Variants in NRXN3 observed in about 807,000 individuals in gnomAD.
The protein encoded by NRXN3 is neurexin III.
Under a neutral mutation model 137.6 loss-of-function variants are expected in NRXN3, and 32 were observed. The observed-to-expected ratio is 0.23, with a 90% CI of 0.18 to 0.31. NRXN3 has a LOEUF of 0.31. Ranked by LOEUF, NRXN3 falls within the 10% of genes least tolerant of loss-of-function variation. NRXN3 has a pLI of 1.00. For missense variants in NRXN3, 1,574 were observed against 2,062.5 expected, an observed-to-expected ratio of 0.76 and a Z score of 4.59; for synonymous variants, 798 against 784.5, an observed-to-expected ratio of 1.02 and a Z score of -0.29.
chr14:78,698,358 C>A (rs2098247704), intron 6 of NRXN3: 1 of 152,004 alleles, frequency 6.6e-6, no homozygotes. Context: ...CTCAGATTAG[C>A]TTTTTCTACA....
intron 16 of NRXN3, among the ~76,000 whole-genome samples, chr14:79,601,874 G>C (rs912746145): frequency 4.6e-5 from 7 of 152,170 alleles, no homozygotes; most frequent in Non-Finnish European, 8.8e-5. Flanking sequence ...GAGTGCTAGA[G>C]ACTATGGCAC....
At chr14:78,651,028 A>T in intron 5 of NRXN3, 137 bp from the exon 6 acceptor site, 1 of 881,570 alleles carries the variant, frequency 1.1e-6, no homozygotes, top group Non-Finnish European at 1.7e-6. Context: ...GCACATACCA[A>T]AATCAAATCA....
intron 15 of NRXN3, among the ~76,000 whole-genome samples, chr14:79,271,853 A>G (rs566966384): frequency 3.0e-4 from 45 of 152,208 alleles, no homozygotes; most frequent in African/African-American, 1.1e-3. Flanking sequence ...GTGAACGTCA[A>G]TTTACAATGC....
chr14:79,199,855 G>A (rs1483440550), intron 15 of NRXN3: 2 of 152,198 alleles, frequency 1.3e-5, no homozygotes, highest in African/African-American at 4.8e-5. Flanking sequence ...GCAGATGACT[G>A]TGGAAAAATA....
chr14:79,006,972 G>A (rs2099554343), intron 15 of NRXN3, among the ~76,000 whole-genome samples: 1 of 152,140 alleles, frequency 6.6e-6, no homozygotes. Context: ...TGAAATGCTT[G>A]AGGTATTCAA....
intron 19 of NRXN3, among the ~76,000 whole-genome samples, chr14:79,751,224 G>C (rs1166430522): frequency 1.3e-5 from 2 of 152,024 alleles, no homozygotes; most frequent in South Asian, 2.1e-4. Context: ...TCTTCCATTT[G>C]TTTGTATCCT....
intron 15 of NRXN3, among the ~76,000 whole-genome samples, chr14:79,188,129 G>A (rs1166941540): frequency 6.6e-6 from 1 of 152,118 alleles, no homozygotes; most frequent in Non-Finnish European, 1.5e-5. Context: ...CATGCTTTGA[G>A]TCATTAAGAG....
chr14:78,850,182 G>A (rs1046555814), intron 10 of NRXN3, among the ~76,000 whole-genome samples: 1 of 152,100 alleles, frequency 6.6e-6, no homozygotes, highest in South Asian at 2.1e-4. Flanking sequence ...GAAAGAGAAA[G>A]AGAAAGAGAG....
intron 15 of NRXN3, among the ~76,000 whole-genome samples, chr14:79,365,646 G>A (rs1372749524): frequency 6.9e-6 from 1 of 145,116 alleles, no homozygotes; most frequent in Admixed American, 7.1e-5. Flanking sequence ...ATGAACCCGG[G>A]AAGCGGAGCT....
intron 16 of NRXN3, among the ~76,000 whole-genome samples, chr14:79,511,776 G>A (rs1298915748): frequency 1.3e-5 from 2 of 152,024 alleles, no homozygotes; most frequent in East Asian, 3.9e-4. Flanking sequence ...TGCCTCAACT[G>A]GATGAACTTT....
At chr14:78,432,161 A>G (rs1023771816) in intron 4 of NRXN3, among the ~76,000 whole-genome samples, 1 of 152,188 alleles carries the variant, frequency 6.6e-6, no homozygotes, top group African/African-American at 2.4e-5. Context: ...TTGTATCCTA[A>G]CGTTGGCATA....
chr14:79,182,752 C>T (rs761206024), intron 15 of NRXN3, among the ~76,000 whole-genome samples: 1 of 152,042 alleles, frequency 6.6e-6, no homozygotes, highest in Non-Finnish European at 1.5e-5. Context: ...AACCTATATT[C>T]TAGTAGGATT....
intron 4 of NRXN3, among the ~76,000 whole-genome samples, chr14:78,578,870 G>T (rs551710874): frequency 6.6e-6 from 1 of 152,056 alleles, no homozygotes; most frequent in Admixed American, 6.5e-5. Flanking sequence ...CAGCCCCTGA[G>T]AATGAGCATC....
intron 15 of NRXN3, among the ~76,000 whole-genome samples, chr14:79,110,718 G>T (rs1436365844): frequency 6.6e-6 from 1 of 151,656 alleles, no homozygotes; most frequent in Non-Finnish European, 1.5e-5. Context: ...AGGGTCCTGG[G>T]AATTCACTAT....
At chr14:78,590,447 A>T (rs2097106516) in intron 4 of NRXN3, among the ~76,000 whole-genome samples, 1 of 152,226 alleles carries the variant, frequency 6.6e-6, no homozygotes, top group Non-Finnish European at 1.5e-5. Context: ...CATCTTGGAC[A>T]TAAAAACTTT....
intron 16 of NRXN3, among the ~76,000 whole-genome samples, chr14:79,491,640 C>T (rs1418111112): frequency 6.6e-6 from 1 of 151,188 alleles, no homozygotes; most frequent in Non-Finnish European, 1.5e-5. Flanking sequence ...CTACTTTTCA[C>T]CCTAAAATAA....
intron 16 of NRXN3, among the ~76,000 whole-genome samples, chr14:79,660,203 T>C (rs1404239357): frequency 6.6e-6 from 1 of 152,188 alleles, no homozygotes; most frequent in African/African-American, 2.4e-5. Context: ...GTTTCAAGCC[T>C]GGGCAACTCT....
chr14:79,638,517 C>T (rs945224853), intron 16 of NRXN3, among the ~76,000 whole-genome samples: 14 of 151,966 alleles, frequency 9.2e-5, no homozygotes, highest in South Asian at 2.1e-4. Context: ...TTGATAACAC[C>T]GTTTTCAAAT....
intron 15 of NRXN3, among the ~76,000 whole-genome samples, chr14:79,079,748 G>C (rs1352080158): frequency 1.3e-5 from 2 of 152,138 alleles, no homozygotes; most frequent in East Asian, 1.9e-4. Context: ...CCAGCATTTT[G>C]GGAGGCCGAG....
Sources: allele counts gnomAD v4.1 joint callset (sites outside exome capture counted in the v4.1 genomes callset), GRCh38; gene constraint gnomAD v4.1.1; transcripts MANE v1.5; gene names NCBI Gene and HGNC (gene_info 2026-07-23, HGNC 2026-07-21).